The following CYRIB variants were observed in gnomAD, a reference collection of about 807,000 sequenced individuals.
CYRIB encodes the protein CYFIP related Rac1 interactor B.
A neutral mutation model predicts 44.2 loss-of-function variants in CYRIB; 8 were observed. The observed-to-expected ratio is 0.18, with a 90% CI of 0.11 to 0.33. The LOEUF (loss-of-function observed/expected upper bound fraction) is 0.33, where lower values mean the gene tolerates loss of function less well. Among genes scored for constraint, CYRIB ranks in the 10% least tolerant of loss-of-function variants. CYRIB has a pLI of 1.00. For synonymous variants in CYRIB, 131 were observed against 127.2 expected (o/e 1.03, Z -0.20); for missense variants, 185 against 382.8 (o/e 0.48, Z 4.31).
chr8:129,906,967 T>G (rs548391985), intron 1 of CYRIB, among the ~76,000 whole-genome samples: 2 of 152,284 alleles, frequency 1.3e-5, no homozygotes, highest in African/African-American at 4.8e-5. Flanking sequence ...CTGGAGAGGA[T>G]GTGGAGAAAC....
chr8:129,925,295 G>A (rs988437589), intron 1 of CYRIB, among the ~76,000 whole-genome samples: 1 of 152,196 alleles, frequency 6.6e-6, no homozygotes, highest in Non-Finnish European at 1.5e-5. Flanking sequence ...CCACTCAGGA[G>A]GCTGAGGCAC....
At chr8:129,985,517 C>T (rs1284051423) in intron 1 of CYRIB, among the ~76,000 whole-genome samples, 2 of 152,150 alleles carry the variant, frequency 1.3e-5, no homozygotes, top group Admixed American at 1.3e-4. Flanking sequence ...GCTGGAGGTA[C>T]CACATCCTCC....
chr8:129,925,275 G>C (rs1264927528), intron 1 of CYRIB, among the ~76,000 whole-genome samples: 2 of 152,132 alleles, frequency 1.3e-5, no homozygotes, highest in Non-Finnish European at 1.5e-5. Context: ...GTGTGTACCT[G>C]TAGTCTCAGC....
intron 2 of CYRIB, among the ~76,000 whole-genome samples, chr8:129,884,949 G>A (rs2062161930): frequency 1.3e-5 from 2 of 152,124 alleles, no homozygotes; most frequent in African/African-American, 4.8e-5. Flanking sequence ...GGTAGTCTGT[G>A]GAATGTATTT....
intron 5 of CYRIB, among the ~76,000 whole-genome samples, chr8:129,856,529 G>C (rs1172461260): frequency 1.3e-5 from 2 of 152,154 alleles, no homozygotes; most frequent in African/African-American, 4.8e-5. Flanking sequence ...AATGCTGCTA[G>C]ATTCTGGTCA....
At chr8:129,870,897 A>G (rs2056903869) in intron 4 of CYRIB, among the ~76,000 whole-genome samples, 1 of 152,236 alleles carries the variant, frequency 6.6e-6, no homozygotes, top group Non-Finnish European at 1.5e-5. Context: ...GAACAAAGGT[A>G]AAGAAGTCAG....
chr8:129,886,711 C>T (rs940867010), intron 2 of CYRIB, among the ~76,000 whole-genome samples: 1 of 152,090 alleles, frequency 6.6e-6, no homozygotes. Flanking sequence ...AGCCCTCACA[C>T]CTTACCTTGC....
chr8:129,871,588 A>G (rs1024024048), intron 3 of CYRIB, 92 bp from the exon 6 acceptor site: 12 of 1,311,220 alleles, frequency 9.2e-6, no homozygotes, highest in African/African-American at 1.5e-5. Context: ...CCAAATTTCC[A>G]AAGATGAGTT....
At chr8:130,015,091 C>T (rs1009589128) in intron 1 of CYRIB, among the ~76,000 whole-genome samples, 3 of 152,180 alleles carry the variant, frequency 2.0e-5, no homozygotes, top group African/African-American at 7.2e-5. Context: ...TCAGTATTTT[C>T]ACAAGATGGT....
chr8:129,848,431 A>C (rs1473297942), intron 10 of CYRIB, among the ~76,000 whole-genome samples: 1 of 152,254 alleles, frequency 6.6e-6, no homozygotes, highest in Non-Finnish European at 1.5e-5. Context: ...CGAAGTAGAG[A>C]AATTAGAAAA....
intron 1 of CYRIB, among the ~76,000 whole-genome samples, chr8:129,998,636 CTT>C (rs879288933): frequency 5.6e-5 from 8 of 143,340 alleles, no homozygotes; most frequent in Admixed American, 7.0e-5. Context: ...AAACTCATCT[CTT>C]TTTTTTTTTT....
intron 4 of CYRIB, chr8:129,868,526 CACTT>C (rs1317307193): frequency 8.5e-5 from 13 of 152,190 alleles, no homozygotes; most frequent in Admixed American, 3.9e-4. Context: ...AACTTGGAGA[CACTT>C]ACTTACTTTC....
intron 1 of CYRIB, among the ~76,000 whole-genome samples, chr8:130,002,232 G>A (rs1229815891): frequency 1.3e-5 from 2 of 152,110 alleles, no homozygotes; most frequent in Non-Finnish European, 2.9e-5. Context: ...AAGCCAAGGC[G>A]GGAGGACTGT....
upstream of CYRIB, among the ~76,000 whole-genome samples, chr8:129,940,832 T>G (rs749431542): frequency 6.6e-6 from 1 of 152,158 alleles, no homozygotes; most frequent in Non-Finnish European, 1.5e-5. Flanking sequence ...AGTATGGACT[T>G]TTCCCCCCGG....
chr8:129,978,452 G>A (rs1306205698), intron 1 of CYRIB, among the ~76,000 whole-genome samples: 1 of 152,182 alleles, frequency 6.6e-6, no homozygotes, highest in Non-Finnish European at 1.5e-5. Flanking sequence ...CAGATTTAGA[G>A]AGAATCCCTG....
At chr8:129,912,562 A>C (rs2078575314) in intron 1 of CYRIB, 1 of 152,154 alleles carries the variant, frequency 6.6e-6, no homozygotes, top group African/African-American at 2.4e-5. Flanking sequence ...CAAAAGATGC[A>C]CAGATGCACT....
chr8:129,902,741 T>TA (rs1418087104), intron 2 of CYRIB, among the ~76,000 whole-genome samples: 1 of 151,982 alleles, frequency 6.6e-6, no homozygotes. Flanking sequence ...AATCTGCCTG[T>TA]AAAAAAAATT....
At chr8:129,899,874 G>A (rs1053997154) in intron 2 of CYRIB, among the ~76,000 whole-genome samples, 2 of 152,200 alleles carry the variant, frequency 1.3e-5, no homozygotes, top group African/African-American at 4.8e-5. Flanking sequence ...GATGGCCTTT[G>A]TGTAAGGATA....
chr8:129,984,172 C>T (rs545028538), intron 1 of CYRIB, among the ~76,000 whole-genome samples: 1 of 152,216 alleles, frequency 6.6e-6, no homozygotes. Flanking sequence ...GAAGTCCTAT[C>T]CTTAACAGTC....
Sources: allele counts gnomAD v4.1 joint callset (sites outside exome capture counted in the v4.1 genomes callset), GRCh38; gene constraint gnomAD v4.1.1; transcripts MANE v1.5; gene names NCBI Gene and HGNC (gene_info 2026-07-23, HGNC 2026-07-21).